Variants in DACH2 observed in about 807,000 individuals in gnomAD.
DACH2 encodes dachshund homolog 2.
Under a neutral mutation model 35.8 loss-of-function variants are expected in DACH2, and 17 were observed. The ratio of observed to expected loss-of-function variants is 0.48; its 90% CI spans 0.33 to 0.71. The LOEUF (loss-of-function observed/expected upper bound fraction) is 0.71. Ranked by LOEUF, DACH2 falls within the 30% of genes least tolerant of loss-of-function variation. DACH2 has a pLI of 0.02. For missense variants in DACH2, 469 were observed against 472.7 expected, an observed-to-expected ratio of 0.99 and a Z score of 0.07; for synonymous variants, 195 against 177.3, an observed-to-expected ratio of 1.10 and a Z score of -0.79.
intron 1 of DACH2, among the ~76,000 whole-genome samples, chrX:86,157,000 T>C (rs1416893306): frequency 4.5e-5 from 5 of 111,159 alleles, no homozygotes; most frequent in African/African-American, 1.6e-4. Flanking sequence ...TAATTAATTT[T>C]GAAGAGTAAA....
At chrX:86,264,211 AG>A (rs1292081117) in intron 1 of DACH2, among the ~76,000 whole-genome samples, 1 of 112,000 alleles carries the variant, frequency 8.9e-6, no homozygotes, top group Non-Finnish European at 1.9e-5. Flanking sequence ...GCAAATTTGT[AG>A]GAAAAAAAGG....
At chrX:86,600,980 C>T (rs750921808) in intron 3 of DACH2, among the ~76,000 whole-genome samples, 2 of 111,367 alleles carry the variant, frequency 1.8e-5, no homozygotes, top group Admixed American at 1.9e-4. Context: ...GATTCCTGTG[C>T]TCCTGTTTCT....
At chrX:86,524,875 G>A (rs970854053) in intron 3 of DACH2, among the ~76,000 whole-genome samples, 5 of 110,687 alleles carry the variant, frequency 4.5e-5, no homozygotes, top group African/African-American at 9.8e-5. Context: ...TGATGATGAT[G>A]ACATATGATA....
chrX:86,530,434 A>AT (rs747445044), intron 3 of DACH2, among the ~76,000 whole-genome samples: 2 of 111,427 alleles, frequency 1.8e-5, no homozygotes, highest in East Asian at 5.7e-4. Flanking sequence ...CGATGTTCTC[A>AT]TGATAGAGTG....
chrX:86,633,735 C>A (rs2040229731), intron 3 of DACH2, among the ~76,000 whole-genome samples: 1 of 111,557 alleles, frequency 9.0e-6, no homozygotes, highest in Non-Finnish European at 1.9e-5. Flanking sequence ...CCAAATCCAA[C>A]AACACAGCTA....
At chrX:86,231,912 C>A (rs994131663) in intron 1 of DACH2, among the ~76,000 whole-genome samples, 2 of 111,728 alleles carry the variant, frequency 1.8e-5, no homozygotes, top group African/African-American at 6.5e-5. Flanking sequence ...CCCAGGGCCT[C>A]CCTGCTGCCT....
Position 86,477,256 on chromosome X carries a change from A to G in DACH2, c.528-37023A>G, listed in dbSNP as rs192576950. Among the ~76,000 whole-genome samples, 635 of 105,754 alleles carry G rather than the reference A, an allele frequency of 6.0e-3. 2 individuals are homozygous for G. Among genetic ancestry groups the G allele is most frequent in the Admixed American group, 0.011 (107 of 9,685 alleles). The allele number at this position is 105,754 out of a possible 115,157, so 91.8% of individuals were successfully genotyped here. The stretch of plus-strand genomic sequence containing the variant: ...AAGTGGAATGTTTATTTCTCTGACT[A>G]TTATTGTATTAGGGTTTCTTTCTCT... On this transcript the variant is annotated intron_variant, in intron 2 of 11. Transcript: ENST00000373125.
At chrX:86,437,932 T>C (rs909917490) in intron 2 of DACH2, among the ~76,000 whole-genome samples, 4 of 109,927 alleles carry the variant, frequency 3.6e-5, no homozygotes, top group African/African-American at 6.6e-5. Flanking sequence ...TTATTATATA[T>C]GTAAACTCAT....
At chrX:86,393,636 G>C (rs994864432) in intron 2 of DACH2, among the ~76,000 whole-genome samples, 1 of 112,083 alleles carries the variant, frequency 8.9e-6, no homozygotes, top group African/African-American at 3.2e-5. Flanking sequence ...GGTAAACTGA[G>C]GGAATGGGTA....
intron 3 of DACH2, among the ~76,000 whole-genome samples, chrX:86,631,612 C>A (rs1324769592): frequency 8.9e-6 from 1 of 111,816 alleles, no homozygotes; most frequent in Non-Finnish European, 1.9e-5. Context: ...AAATATAAAA[C>A]CATATTTCAG....
At chrX:86,716,939 C>T (rs1234666634) in intron 6 of DACH2, among the ~76,000 whole-genome samples, 4 of 111,593 alleles carry the variant, frequency 3.6e-5, no homozygotes, top group Admixed American at 9.5e-5. Context: ...TTTTAAAAGG[C>T]GAAATTAGAT....
chrX:86,233,193 T>C (rs191117730), intron 1 of DACH2, among the ~76,000 whole-genome samples: 1 of 109,495 alleles, frequency 9.1e-6, no homozygotes, highest in African/African-American at 3.3e-5. Context: ...TATAGGAGGG[T>C]GAAGGGTGGA....
intron 2 of DACH2, among the ~76,000 whole-genome samples, chrX:86,424,930 G>A (rs1457281543): frequency 9.0e-6 from 1 of 111,223 alleles, no homozygotes; most frequent in Non-Finnish European, 1.9e-5. Context: ...CTGTGGAAAT[G>A]ATCATATGGT....
At chrX:86,703,679 T>C (rs1027658456) in intron 5 of DACH2, among the ~76,000 whole-genome samples, 3 of 111,202 alleles carry the variant, frequency 2.7e-5, no homozygotes, top group Non-Finnish European at 5.7e-5. Context: ...AGGATAGTCA[T>C]AAAAATGTAA....
intron 2 of DACH2, among the ~76,000 whole-genome samples, chrX:86,394,269 T>C (rs1312283857): frequency 9.0e-6 from 1 of 110,739 alleles, no homozygotes; most frequent in African/African-American, 3.3e-5. Flanking sequence ...GCTAAATAAA[T>C]ATTAGTTTAT....
At chrX:86,333,878 G>C (rs1488858646) in intron 1 of DACH2, among the ~76,000 whole-genome samples, 1 of 111,032 alleles carries the variant, frequency 9.0e-6, no homozygotes, top group Non-Finnish European at 1.9e-5. Context: ...ATCTAATTAG[G>C]TATTTCTCCT....
At chrX:86,716,120 C>T (rs927824593) in intron 6 of DACH2, among the ~76,000 whole-genome samples, 8 of 111,095 alleles carry the variant, frequency 7.2e-5, no homozygotes, top group Admixed American at 1.9e-4. Context: ...CAGACTTCAC[C>T]GCTACACAAA....
chrX:86,753,031 T>C (rs2147273628), intron 7 of DACH2, among the ~76,000 whole-genome samples: 1 of 100,866 alleles, frequency 9.9e-6, no homozygotes, highest in African/African-American at 3.7e-5. Context: ...AAATGCTGCC[T>C]GTAGAATTTA....
intron 1 of DACH2, among the ~76,000 whole-genome samples, chrX:86,292,676 G>A (rs1051983266): frequency 1.5e-4 from 17 of 111,059 alleles, no homozygotes; most frequent in African/African-American, 4.3e-4. Context: ...CCTTCATTTC[G>A]TTATGTACTC....
Sources: gnomAD v4.1 joint callset for allele counts (sites outside exome capture counted in the v4.1 genomes callset) on GRCh38, gnomAD v4.1.1 for gene constraint, MANE v1.5 for transcripts, NCBI Gene and HGNC (gene_info 2026-07-23, HGNC 2026-07-21) for gene names.